SAMMSON: variants seen among roughly 807,000 people sequenced by gnomAD.
SAMMSON encodes the protein long intergenic non-protein coding RNA 1212.
chr3:70,282,405 AG>A (rs1702095549), intron 6 of SAMMSON, among the ~76,000 whole-genome samples: 1 of 152,180 alleles, frequency 6.6e-6, no homozygotes, highest in African/African-American at 2.4e-5. Context: ...CGATCATGTT[AG>A]TTACAGAAGC....
chr3:70,126,534 G>T (rs1037760662), intron 4 of SAMMSON: 9 of 573,364 alleles, frequency 1.6e-5, no homozygotes, highest in Non-Finnish European at 2.9e-5. Flanking sequence ...AGAAGAGTTC[G>T]GTCGGCCGAG....
At chr3:70,182,417 G>A (rs1701060627) in intron 4 of SAMMSON, among the ~76,000 whole-genome samples, 1 of 151,850 alleles carries the variant, frequency 6.6e-6, no homozygotes, top group African/African-American at 2.4e-5. Flanking sequence ...AAGGCTCCAC[G>A]CTGCAGCTGG....
intron 6 of SAMMSON, among the ~76,000 whole-genome samples, chr3:70,252,692 T>C (rs1335475566): frequency 6.6e-6 from 1 of 152,214 alleles, no homozygotes; most frequent in Non-Finnish European, 1.5e-5. Context: ...CCTATGTTTA[T>C]TTATTTATTT....
At chr3:70,122,277 T>C (rs1312987440) in intron 4 of SAMMSON, among the ~76,000 whole-genome samples, 4 of 152,120 alleles carry the variant, frequency 2.6e-5, no homozygotes, top group African/African-American at 9.7e-5. Context: ...ACTGCAGCCT[T>C]TACCTCCTGG....
intron 8 of SAMMSON, among the ~76,000 whole-genome samples, chr3:70,356,793 T>C (rs1006277330): frequency 2.0e-5 from 3 of 152,142 alleles, no homozygotes; most frequent in Admixed American, 2.0e-4. Flanking sequence ...TCTAATTTGC[T>C]GTGGGCTGGG....
intron 4 of SAMMSON, among the ~76,000 whole-genome samples, chr3:70,077,942 T>C (rs115287207): frequency 0.01 from 1,595 of 152,306 alleles, 24 homozygotes; most frequent in African/African-American, 0.034. Context: ...CCTGATTTCA[T>C]TCCTTCTTCT....
intron 6 of SAMMSON, among the ~76,000 whole-genome samples, chr3:70,282,264 G>T (rs543050014): frequency 1.6e-4 from 25 of 152,226 alleles, no homozygotes; most frequent in African/African-American, 6.0e-4. Flanking sequence ...GACCTAGAAG[G>T]AACACCTGGT....
chr3:70,252,699 A>T (rs560942850), intron 6 of SAMMSON, among the ~76,000 whole-genome samples: 120 of 152,210 alleles, frequency 7.9e-4, no homozygotes, highest in Admixed American at 5.3e-3. Context: ...TTATTTATTT[A>T]TTTTTTTAAA....
intron 4 of SAMMSON, among the ~76,000 whole-genome samples, chr3:70,189,565 T>A (rs1182365778): frequency 6.6e-6 from 1 of 152,168 alleles, no homozygotes; most frequent in Non-Finnish European, 1.5e-5. Flanking sequence ...AGTCACTCCT[T>A]GGCTATTATT....
rs2066911506 is a variant in SAMMSON at position 70,002,853 on chromosome 3, ACTTG to A, written n.22+2990_22+2993del. Among the ~76,000 whole-genome samples the A allele has an allele frequency of 2.0e-5, 3 of 152,150 alleles. No homozygotes were observed. In the South Asian group the frequency reaches 6.2e-4, roughly 32 times the overall value. The stretch of plus-strand genomic sequence containing the variant: ...TCTAGTTTGGGACAGTATTCTATGT[ACTTG>A]CTTTGAATTGGGTTTGCTAGTTGTG... On this transcript the variant is annotated intron_variant and non_coding_transcript_variant, in intron 1 of 9. Transcript: ENST00000642114.
intron 3 of SAMMSON, among the ~76,000 whole-genome samples, chr3:70,041,881 G>C (rs61545912): frequency 0.019 from 2,815 of 152,036 alleles, 91 homozygotes; most frequent in African/African-American, 0.063. Context: ...ATCATTAACA[G>C]GAAAAAAATC....
chr3:70,329,101 G>A (rs1401163176), intron 7 of SAMMSON, among the ~76,000 whole-genome samples: 1 of 152,064 alleles, frequency 6.6e-6, no homozygotes, highest in African/African-American at 2.4e-5. Flanking sequence ...ACTTCATATA[G>A]TTAATCATGG....
intron 6 of SAMMSON, among the ~76,000 whole-genome samples, chr3:70,290,947 G>A (rs940937244): frequency 1.3e-5 from 2 of 152,108 alleles, no homozygotes; most frequent in East Asian, 3.9e-4. Context: ...CCACTGACCT[G>A]AGCCCACTGT....
chr3:70,048,340 T>C (rs2067134542), intron 3 of SAMMSON, among the ~76,000 whole-genome samples: 1 of 152,106 alleles, frequency 6.6e-6, no homozygotes, highest in South Asian at 2.1e-4. Context: ...TCTCTGAAAC[T>C]TGATTTCCTC....
chr3:70,233,734 G>C (rs1701583367), intron 4 of SAMMSON, among the ~76,000 whole-genome samples: 1 of 152,062 alleles, frequency 6.6e-6, no homozygotes, highest in Admixed American at 6.5e-5. Flanking sequence ...CATGTAAACT[G>C]AATCACTCAG....
intron 4 of SAMMSON, among the ~76,000 whole-genome samples, chr3:70,132,304 A>C (rs1375667599): frequency 6.6e-6 from 1 of 152,152 alleles, no homozygotes; most frequent in African/African-American, 2.4e-5. Flanking sequence ...CTATGCACAG[A>C]GGGCCTTTTT....
intron 3 of SAMMSON, among the ~76,000 whole-genome samples, chr3:70,046,690 C>T (rs541062160): frequency 1.7e-4 from 26 of 152,216 alleles, no homozygotes; most frequent in African/African-American, 5.3e-4. Flanking sequence ...TTCAACAATA[C>T]GTATTTATTA....
chr3:70,205,548 C>A (rs183643212), intron 4 of SAMMSON: 1 of 151,900 alleles, frequency 6.6e-6, no homozygotes, highest in South Asian at 2.1e-4. Flanking sequence ...GTGCTTTATA[C>A]GTTATTTTTT....
intron 7 of SAMMSON, chr3:70,312,681 G>A (rs1282330166): frequency 6.6e-6 from 1 of 152,090 alleles, no homozygotes; most frequent in Non-Finnish European, 1.5e-5. Flanking sequence ...ACTCCCTCCC[G>A]GGGTGGTGCT....
Sources: allele counts gnomAD v4.1 joint callset (sites outside exome capture counted in the v4.1 genomes callset), GRCh38; gene constraint gnomAD v4.1.1; transcripts MANE v1.5; gene names NCBI Gene and HGNC (gene_info 2026-07-23, HGNC 2026-07-21).